CTNNA3: variants seen among roughly 807,000 people sequenced by gnomAD.
CTNNA3 encodes the protein catenin alpha 3.
Under a neutral mutation model 95.7 loss-of-function variants are expected in CTNNA3, and 76 were observed. That is an observed-to-expected ratio of 0.79 (90% confidence interval 0.66 to 0.96). The LOEUF is 0.96. Among genes scored for constraint, CTNNA3 ranks in the 40% least tolerant of loss-of-function variants. The probability of loss-of-function intolerance (pLI) is 0.00; values close to 1 mark genes in which losing one functional copy is unlikely to be tolerated. For missense variants in CTNNA3, 1,191 were observed against 1,089.8 expected (o/e 1.09, Z -1.31); for synonymous variants, 431 against 374.4 (o/e 1.15, Z -1.74).
At chr10:66,048,570 C>CG (rs2079879139) in intron 15 of CTNNA3, among the ~76,000 whole-genome samples, 1 of 152,080 alleles carries the variant, frequency 6.6e-6, no homozygotes, top group Admixed American at 6.6e-5. Flanking sequence ...ACCATCCTGG[C>CG]TAACACGGCG....
chr10:65,947,320 T>G (rs1220640840), intron 17 of CTNNA3, among the ~76,000 whole-genome samples: 1 of 152,192 alleles, frequency 6.6e-6, no homozygotes, highest in Non-Finnish European at 1.5e-5. Context: ...GAAATAACTC[T>G]TACAACAATT....
chr10:66,058,490 A>T (rs957727837), intron 15 of CTNNA3, among the ~76,000 whole-genome samples: 8 of 152,092 alleles, frequency 5.3e-5, no homozygotes, highest in Admixed American at 2.0e-4. Flanking sequence ...ATGCAACATT[A>T]TTTCTACATG....
chr10:67,253,858 G>C (rs1311917858), intron 5 of CTNNA3, among the ~76,000 whole-genome samples: 1 of 152,054 alleles, frequency 6.6e-6, no homozygotes, highest in Non-Finnish European at 1.5e-5. Context: ...TGCAATATGA[G>C]GGCCACTCAA....
chr10:67,372,255 G>T (rs578082842), intron 5 of CTNNA3, among the ~76,000 whole-genome samples: 24 of 152,150 alleles, frequency 1.6e-4, no homozygotes, highest in Middle Eastern at 3.4e-3. Flanking sequence ...GTCAATTTTG[G>T]CTTTTGTTGC....
chr10:66,367,392 C>G lies in CTNNA3; in HGVS notation c.1732+11760G>C, dbSNP rs370862507. Among the ~76,000 whole-genome samples, 61 of 151,820 alleles carry G rather than the reference C, an allele frequency of 4.0e-4. 1 individual carries two copies. In the South Asian group the frequency reaches 0.012, roughly 31 times the overall value. ...GTAAGATAACTCTTTTCCAAATGAT[C>G]ATTTAAAACAAAAGAAATCAATCAT... On this transcript the variant is annotated intron_variant, in intron 12 of 17. Coordinates refer to ENST00000433211, the MANE Select transcript of CTNNA3 (RefSeq NM_013266.4).
chr10:66,840,356 TCTCTCTCTCTCTCTCTCACACA>T (rs1365963731), intron 7 of CTNNA3, among the ~76,000 whole-genome samples: 148 of 123,116 alleles, frequency 1.2e-3, no homozygotes, highest in Non-Finnish European at 1.5e-3. Context: ...TCTCTCTCTC[TCTCTCTCTCTCTCTCTCACACA>T]CACACACACA....
intron 5 of CTNNA3, among the ~76,000 whole-genome samples, chr10:67,430,853 A>ACC (rs1554835832): frequency 2.0e-5 from 3 of 150,048 alleles, no homozygotes; most frequent in African/African-American, 7.3e-5. Context: ...ACACACACAC[A>ACC]CCCTCACACA....
intron 7 of CTNNA3, among the ~76,000 whole-genome samples, chr10:67,110,950 G>A (rs1832657363): frequency 6.6e-6 from 1 of 152,120 alleles, no homozygotes; most frequent in African/African-American, 2.4e-5. Flanking sequence ...TTGAATTAGT[G>A]GAATAAATAC....
intron 1 of CTNNA3, among the ~76,000 whole-genome samples, chr10:67,757,515 G>A (rs192506380): frequency 1.1e-4 from 16 of 152,298 alleles, no homozygotes; most frequent in Admixed American, 7.2e-4. Flanking sequence ...TGCTAATGCG[G>A]CTAGAATAAA....
At chr10:67,127,961 C>T (rs1859802016) in intron 7 of CTNNA3, among the ~76,000 whole-genome samples, 1 of 151,944 alleles carries the variant, frequency 6.6e-6, no homozygotes, top group South Asian at 2.1e-4. Context: ...CATTAATTAC[C>T]CCACATCTTT....
chr10:66,466,036 T>A (rs539647272), intron 11 of CTNNA3, among the ~76,000 whole-genome samples: 4 of 152,130 alleles, frequency 2.6e-5, no homozygotes, highest in Admixed American at 2.6e-4. Context: ...TAAATTGAGG[T>A]TAGTTTTTAA....
intron 12 of CTNNA3, among the ~76,000 whole-genome samples, chr10:66,314,048 T>C (rs11817731): frequency 0.086 from 13,113 of 152,196 alleles, 673 homozygotes; most frequent in South Asian, 0.24. Flanking sequence ...AAAATAAATA[T>C]ACTCATACAT....
chr10:66,184,134 T>C (rs2086198162), intron 13 of CTNNA3, among the ~76,000 whole-genome samples: 2 of 151,966 alleles, frequency 1.3e-5, no homozygotes, highest in Non-Finnish European at 2.9e-5. Flanking sequence ...CCTGTCTCTA[T>C]TAAAAAATAC....
At chr10:66,328,664 T>C (rs921865580) in intron 12 of CTNNA3, among the ~76,000 whole-genome samples, 10 of 151,606 alleles carry the variant, frequency 6.6e-5, no homozygotes, top group Non-Finnish European at 1.3e-4. Context: ...TTTATGTGTA[T>C]ATAAATGAGG....
intron 8 of CTNNA3, among the ~76,000 whole-genome samples, chr10:66,767,857 C>A (rs1449077254): frequency 2.6e-5 from 4 of 152,118 alleles, no homozygotes; most frequent in Non-Finnish European, 5.9e-5. Context: ...TTCTGACTAT[C>A]AACAATTTAA....
chr10:66,407,360 T>C (rs2093065658), intron 11 of CTNNA3, among the ~76,000 whole-genome samples: 1 of 152,042 alleles, frequency 6.6e-6, no homozygotes, highest in Non-Finnish European at 1.5e-5. Flanking sequence ...TATGTGAATA[T>C]CAAGTGGATG....
At chr10:65,987,931 G>C (rs6480122) in intron 16 of CTNNA3, among the ~76,000 whole-genome samples, 93,055 of 151,908 alleles carry the variant, frequency 0.61, 29,192 homozygotes, top group Non-Finnish European at 0.69. Context: ...AAATAAGTCA[G>C]GTACAGAAAG....
chr10:66,447,799 T>G, intron 11 of CTNNA3, among the ~76,000 whole-genome samples: 1 of 151,828 alleles, frequency 6.6e-6, no homozygotes, highest in East Asian at 1.9e-4. Flanking sequence ...CCAAAAGCAA[T>G]GGCAACAAAA....
chr10:65,917,711 G>A lies in CTNNA3; in HGVS notation c.*2619C>T, dbSNP rs181700874. On this transcript the variant is annotated 3_prime_UTR_variant, in exon 18 of 18. Transcript: ENST00000433211. Reference sequence around the variant, plus strand: ...GTGATGAGACATCAAAAGGTACATAGGTGGATCACCAAATTATCACTCTCA... The same window carrying A: ...GTGATGAGACATCAAAAGGTACATAAGTGGATCACCAAATTATCACTCTCA... 539 of 152,260 alleles carry A rather than the reference G, an allele frequency of 3.5e-3. 4 individuals are homozygous for A. Among genetic ancestry groups the A allele is most frequent in the African/African-American group, 0.013 (520 of 41,550 alleles). 9.4% of individuals were successfully genotyped at this position (152,260 alleles called of 1,614,324 possible). A position where few individuals can be genotyped will look rare whatever the true frequency, so the allele number is the denominator to read the frequency against.
Sources: gnomAD v4.1 joint callset for allele counts (sites outside exome capture counted in the v4.1 genomes callset) on GRCh38, gnomAD v4.1.1 for gene constraint, MANE v1.5 for transcripts, NCBI Gene and HGNC (gene_info 2026-07-23, HGNC 2026-07-21) for gene names.